PTCSC3: variants seen among roughly 807,000 people sequenced by gnomAD.
PTCSC3 encodes the protein papillary thyroid carcinoma susceptibility candidate 3 (non-protein coding).
chr14:36,145,212 T>C (rs560991981), intron 3 of PTCSC3, among the ~76,000 whole-genome samples: 3 of 148,188 alleles, frequency 2.0e-5, no homozygotes, highest in East Asian at 1.9e-4. Flanking sequence ...TTTCTGTTGA[T>C]TGGAATAGTT....
intron 3 of PTCSC3, among the ~76,000 whole-genome samples, chr14:36,141,419 A>C (rs1881417961): frequency 1.3e-5 from 2 of 152,006 alleles, no homozygotes; most frequent in Non-Finnish European, 2.9e-5. Flanking sequence ...TTTCAGTCTT[A>C]CAGTTTTCCT....
At chr14:36,144,326 T>C (rs1406514780) in intron 3 of PTCSC3, among the ~76,000 whole-genome samples, 2 of 146,364 alleles carry the variant, frequency 1.4e-5, no homozygotes, top group Non-Finnish European at 1.5e-5. Context: ...GTATCCTCTT[T>C]TATTTCCTTG....
rs144971750 is a variant in PTCSC3 at position 36,139,717 on chromosome 14, G to A, written n.323-3361C>T. Among the ~76,000 whole-genome samples, 9 of 152,296 alleles carry A rather than the reference G, an allele frequency of 5.9e-5. No individual in the cohort carries two copies. The East Asian group carries it at 1.7e-3, about 29-fold the overall frequency. On this transcript the variant is annotated intron_variant and non_coding_transcript_variant, in intron 3 of 3. Coordinates refer to ENST00000556013, the Ensembl canonical transcript of PTCSC3. ...TAAAACTTAAAACTATAGAAAAACT[G>A]AATGGATTATGAAGTGTTCCTATAT...
At chr14:36,141,690 T>C (rs948809216) in intron 3 of PTCSC3, among the ~76,000 whole-genome samples, 8 of 152,018 alleles carry the variant, frequency 5.3e-5, no homozygotes, top group African/African-American at 7.2e-5. Flanking sequence ...ATATAGTTTA[T>C]CTAAAAATAT....
intron 3 of PTCSC3, among the ~76,000 whole-genome samples, chr14:36,146,533 T>C (rs1881573236): frequency 6.6e-6 from 1 of 152,002 alleles, no homozygotes; most frequent in Non-Finnish European, 1.5e-5. Flanking sequence ...TCCTCCATCC[T>C]TTTATTTTGA....
downstream of PTCSC3, among the ~76,000 whole-genome samples, chr14:36,135,020 G>A (rs1431594937): frequency 1.3e-5 from 2 of 152,178 alleles, no homozygotes; most frequent in African/African-American, 4.8e-5. Flanking sequence ...GCATGTGAAA[G>A]GTGAAGAAGA....
chr14:36,167,004 G>A (rs1475222792), intron 1 of PTCSC3, among the ~76,000 whole-genome samples: 1 of 152,152 alleles, frequency 6.6e-6, no homozygotes, highest in African/African-American at 2.4e-5. Context: ...ATTCTAAGGT[G>A]GATGATAGAG....
At chr14:36,152,839 A>C (rs559019414) in intron 3 of PTCSC3, among the ~76,000 whole-genome samples, 5 of 151,236 alleles carry the variant, frequency 3.3e-5, no homozygotes, top group African/African-American at 4.9e-5. Flanking sequence ...GGTTGCAGTG[A>C]GCTGAGATGG....
At chr14:36,163,287 TA>T (rs574823064) in intron 1 of PTCSC3, among the ~76,000 whole-genome samples, 25 of 152,052 alleles carry the variant, frequency 1.6e-4, no homozygotes, top group African/African-American at 5.5e-4. Context: ...AAGGAGACAC[TA>T]AAAAATATGT....
intron 1 of PTCSC3, among the ~76,000 whole-genome samples, chr14:36,176,095 T>A (rs574975023): frequency 3.5e-4 from 53 of 152,294 alleles, no homozygotes; most frequent in African/African-American, 1.2e-3. Flanking sequence ...CATATGTACA[T>A]AATGTCATGT....
chr14:36,164,651 TAGAC>T (rs1882048472), intron 1 of PTCSC3, among the ~76,000 whole-genome samples: 1 of 152,296 alleles, frequency 6.6e-6, no homozygotes, highest in South Asian at 2.1e-4. Flanking sequence ...TTTTCATACA[TAGAC>T]AGATAATTTG....
chr14:36,137,490 A>G (rs1881313951), intron 3 of PTCSC3, among the ~76,000 whole-genome samples: 1 of 152,166 alleles, frequency 6.6e-6, no homozygotes, highest in South Asian at 2.1e-4. Flanking sequence ...GGGGGCAAAT[A>G]AGGAAGGAAG....
At chr14:36,173,569 G>A (rs1249214111) in intron 1 of PTCSC3, among the ~76,000 whole-genome samples, 1 of 141,556 alleles carries the variant, frequency 7.1e-6, no homozygotes, top group African/African-American at 2.6e-5. Context: ...CTCTTAGGTA[G>A]AAGTGACTTG....
chr14:36,147,662 C>G (rs1212879041), intron 3 of PTCSC3, among the ~76,000 whole-genome samples: 3 of 151,864 alleles, frequency 2.0e-5, no homozygotes, highest in African/African-American at 7.3e-5. Flanking sequence ...TCTCTCAGCT[C>G]GTCAAAGTCA....
At chr14:36,165,079 ACTTCT>A (rs1473644260) in intron 1 of PTCSC3, 1 of 152,466 alleles carries the variant, frequency 6.6e-6, no homozygotes, top group Middle Eastern at 3.4e-3. Context: ...TCCATTGACT[ACTTCT>A]CACAGCTGAC....
intron 1 of PTCSC3, among the ~76,000 whole-genome samples, chr14:36,175,472 A>C (rs1882267528): frequency 6.6e-6 from 1 of 152,216 alleles, no homozygotes; most frequent in Admixed American, 6.5e-5. Context: ...CACGTTGGGA[A>C]GAACATAAGA....
intron 1 of PTCSC3, among the ~76,000 whole-genome samples, chr14:36,166,696 T>A (rs940791826): frequency 1.3e-5 from 2 of 152,230 alleles, no homozygotes; most frequent in Non-Finnish European, 1.5e-5. Flanking sequence ...GTCATATTCA[T>A]GTGTCAGGCA....
At chr14:36,159,976 TA>T (rs1426529529) in intron 2 of PTCSC3, among the ~76,000 whole-genome samples, 1 of 152,204 alleles carries the variant, frequency 6.6e-6, no homozygotes, top group African/African-American at 2.4e-5. Flanking sequence ...TACCATTATG[TA>T]ATGGCCTTCT....
chr14:36,169,778 G>A (rs189124142), intron 1 of PTCSC3, among the ~76,000 whole-genome samples: 53 of 152,238 alleles, frequency 3.5e-4, no homozygotes, highest in African/African-American at 1.3e-3. Flanking sequence ...CAAGGAGTTG[G>A]GGAAGAACAT....
Sources: allele counts gnomAD v4.1 joint callset (sites outside exome capture counted in the v4.1 genomes callset), GRCh38; gene constraint gnomAD v4.1.1; transcripts MANE v1.5; gene names NCBI Gene and HGNC (gene_info 2026-07-23, HGNC 2026-07-21).